The following C2 variants were observed in gnomAD, a reference collection of about 807,000 sequenced individuals.
The protein encoded by C2 is C3/C5 convertase.
In C2, 64 loss-of-function variants were observed where a neutral mutation model predicts 85.2. The ratio of observed to expected loss-of-function variants is 0.75; its 90% CI spans 0.61 to 0.92. The LOEUF (loss-of-function observed/expected upper bound fraction) is 0.92. Ranked by LOEUF, C2 falls within the 40% of genes least tolerant of loss-of-function variation. The pLI, the probability that C2 is intolerant of heterozygous loss-of-function variation, is 0.00. For synonymous variants in C2, 311 were observed against 370.8 expected, an observed-to-expected ratio of 0.84 and a Z score of 1.85; for missense variants, 820 against 971.6, an observed-to-expected ratio of 0.84 and a Z score of 2.07.
intron 5 of C2, 99 bp from the exon 6 acceptor site, chr6:31,934,067 C>T (rs1420545126): frequency 1.5e-5 from 23 of 1,561,344 alleles, no homozygotes; most frequent in Non-Finnish European, 1.5e-5. Flanking sequence ...TTGGTGGGCT[C>T]AGCCACTGAA....
upstream of C2, among the ~76,000 whole-genome samples, chr6:31,918,598 T>TA (rs765585551): frequency 1.9e-3 from 242 of 130,242 alleles, 1 homozygote; most frequent in East Asian, 0.026. Flanking sequence ...GTCTTTAACT[T>TA]AAAAAAAAAA....
At chr6:31,936,279 T>C (rs1477194971) in intron 7 of C2, 1 of 582,428 alleles carries the variant, frequency 1.7e-6, no homozygotes, top group Non-Finnish European at 3.1e-6. Flanking sequence ...CCAAAGACAC[T>C]GTGCAGGTCT....
intron 1 of C2, among the ~76,000 whole-genome samples, chr6:31,908,467 A>G (rs1469063500): frequency 6.6e-6 from 1 of 151,502 alleles, no homozygotes; most frequent in Non-Finnish European, 1.5e-5. Context: ...GCCTGGGCCA[A>G]CATGGTGAAA....
upstream of C2, among the ~76,000 whole-genome samples, chr6:31,923,131 A>T (rs72842443): frequency 2.0e-3 from 305 of 152,280 alleles, no homozygotes; most frequent in Non-Finnish European, 3.2e-3. Flanking sequence ...GGTCGCCCTC[A>T]TCTGGTGGGG....
chr6:31,902,250 C>T (rs1767391418), intron 1 of C2, among the ~76,000 whole-genome samples: 1 of 151,766 alleles, frequency 6.6e-6, no homozygotes, highest in African/African-American at 2.4e-5. Context: ...TCTCGCTCCC[C>T]CTCCTCTGTA....
chr6:31,907,935 T>C (rs586346), intron 1 of C2, among the ~76,000 whole-genome samples: 111,800 of 147,702 alleles, frequency 0.76, 43,116 homozygotes, highest in Middle Eastern at 0.89. Context: ...CAACCTCTGC[T>C]TCCCAGGTTC....
intron 1 of C2, among the ~76,000 whole-genome samples, chr6:31,910,340 A>ATT (rs1209105027): frequency 2.2e-5 from 3 of 137,108 alleles, no homozygotes; most frequent in Non-Finnish European, 3.2e-5. Context: ...TCCTTTGCTC[A>ATT]TTTTTTTTTT....
intron 3 of C2, among the ~76,000 whole-genome samples, chr6:31,930,012 AAAACAAAC>A (rs9332713): frequency 3.3e-5 from 5 of 151,096 alleles, no homozygotes; most frequent in East Asian, 1.9e-4. Context: ...ACTCTGTCTC[AAAACAAAC>A]AAACAAACAA....
In C2 at chr6:31,904,190, C is replaced by T. The variant is rs951692898; in HGVS notation, c.73+3051C>T. Among the ~76,000 whole-genome samples, 6 of 152,134 alleles carry T rather than the reference C, an allele frequency of 3.9e-5. No homozygotes were observed. Among genetic ancestry groups the T allele is most frequent in the African/African-American group, 1.4e-4 (6 of 41,440 alleles). On this transcript the variant is annotated intron_variant, in intron 1 of 3. Transcript: ENST00000452202. The surrounding 1 kb of genome is among the most constrained non-coding windows in gnomAD (Gnocchi z 4.4). ...TTGAAGGCCCTGATCTCTCACAGGG[C>T]TAATGTGAGGTTTAAATGAGCCTGG... is the stretch of plus-strand genomic sequence containing the variant.
chr6:31,917,995 G>A (rs1032411829), upstream of C2, among the ~76,000 whole-genome samples: 6 of 151,972 alleles, frequency 3.9e-5, no homozygotes, highest in African/African-American at 1.5e-4. Flanking sequence ...AAAAATTTGA[G>A]CTTTTCCGTA....
intron 3 of C2, among the ~76,000 whole-genome samples, chr6:31,929,264 G>T (rs1044792742): frequency 4.6e-5 from 7 of 152,148 alleles, no homozygotes; most frequent in African/African-American, 1.7e-4. Context: ...TTAATGCCTT[G>T]CCTTTAAAGC....
chr6:31,928,977 C>T, intron 3 of C2, 60 bp downstream of exon 3: 1 of 1,462,468 alleles, frequency 6.8e-7, no homozygotes, highest in Non-Finnish European at 9.4e-7. Context: ...AACCCTGGGG[C>T]CCAATGTGCA....
rs925452151 is a variant in C2, at chr6:31,901,388, G to C, written c.73+249G>C. ...TGGCTCTCCGAAGCCAAGGCTCCAG[G>C]ACCCTCGCCCCCATTCTTGCCCAGC... On this transcript the variant is annotated intron_variant, in intron 1 of 3. Transcript: ENST00000452202. 12 of 1,426,634 alleles carry C rather than the reference G, an allele frequency of 8.4e-6. No individual in the cohort carries two copies. The Admixed American group carries it at 2.2e-4, about 26-fold the overall frequency. The allele number at this position is 1,426,634 out of a possible 1,614,324, so 88.4% of individuals were successfully genotyped here.
chr6:31,925,273 G>C (rs906861978), upstream of C2, among the ~76,000 whole-genome samples: 1 of 152,122 alleles, frequency 6.6e-6, no homozygotes, highest in South Asian at 2.1e-4. Flanking sequence ...CTTATCCACT[G>C]AGAGTCAGCC....
chr6:31,919,249 A>G (rs1417009440), upstream of C2, among the ~76,000 whole-genome samples: 1 of 151,380 alleles, frequency 6.6e-6, no homozygotes, highest in East Asian at 2.0e-4. Context: ...GGTTCAAGCA[A>G]TTCTCCTGCC....
chr6:31,911,334 T>A (rs1287834747), intron 1 of C2, among the ~76,000 whole-genome samples: 2 of 150,864 alleles, frequency 1.3e-5, no homozygotes, highest in African/African-American at 2.4e-5. Context: ...AAAAAAAAAA[T>A]AAAATGAATC....
At chr6:31,934,512 C>G (rs635348) in intron 6 of C2, 83,724 of 1,281,478 alleles carry the variant, frequency 0.065, 3,105 homozygotes, top group African/African-American at 0.11. Context: ...TGGGGCTGGG[C>G]GACAGCAAAG....
In C2 at chr6:31,933,755, C is replaced by G. The variant is rs1770142818; in HGVS notation, c.588C>G (p.Val196=). 1 of 1,613,636 alleles carries G rather than the reference C, an allele frequency of 6.2e-7. No homozygotes were observed. The highest frequency in any genetic ancestry group is 2.2e-5 in the East Asian group (1 of 44,900). ...SSERECQGNG[V]WSGTEPICRQ... is the part of the protein sequence containing the mutation. ...AGCGGGAGTGCCAGGGCAACGGGGT[C>G]TGGAGTGGAACGGAGCCCATCTGCC... The change falls in exon 4 of 18, where the codon GTC becomes GTG. Residue 196 remains valine, a synonymous_variant. Coordinates refer to ENST00000299367, the MANE Select transcript of C2 (RefSeq NM_000063.6).
intron 1 of C2, among the ~76,000 whole-genome samples, chr6:31,913,030 CAAAAA>C (rs34465217): frequency 2.8e-5 from 2 of 70,552 alleles, no homozygotes; most frequent in African/African-American, 5.2e-5. Flanking sequence ...CCTGTTTCCA[CAAAAA>C]AAAAAAAAAA....
Sources: gnomAD v4.1 joint callset for allele counts (sites outside exome capture counted in the v4.1 genomes callset) on GRCh38, gnomAD v4.1.1 for gene constraint, Gnocchi (gnomAD v3.1) non-coding constraint, MANE v1.5 for transcripts, NCBI Gene and HGNC (gene_info 2026-07-23, HGNC 2026-07-21) for gene names.